The following PLCXD3 variants were observed in gnomAD, a reference collection of about 807,000 sequenced individuals.
PLCXD3 encodes the protein phosphatidylinositol specific phospholipase C X domain containing 3.
Under a neutral mutation model 25.5 loss-of-function variants are expected in PLCXD3, and 19 were observed. That is an observed-to-expected ratio of 0.75 (90% CI 0.52 to 1.09). The LOEUF (loss-of-function observed/expected upper bound fraction) is 1.09. PLCXD3 is among the 50% of genes least tolerant of loss of function. PLCXD3 has a pLI of 0.00. For synonymous variants in PLCXD3, 174 were observed against 137.6 expected (o/e 1.26, Z -1.85); for missense variants, 411 against 388.1 (o/e 1.06, Z -0.50).
chr5:41,397,186 C>T (rs1434674510), intron 1 of PLCXD3, among the ~76,000 whole-genome samples: 2 of 152,110 alleles, frequency 1.3e-5, no homozygotes, highest in Non-Finnish European at 2.9e-5. Flanking sequence ...TGTGGCAGCC[C>T]CTCCTATCAC....
At position 41,313,011 on chromosome 5, in the gene PLCXD3, T is replaced by C. The variant is rs1458729078; in HGVS notation, c.*606A>G. On this transcript the variant is annotated 3_prime_UTR_variant, in exon 3 of 3. Transcript: ENST00000377801. ...ACTGTGAAACACTATTATTTTCATA[T>C]AACAAAAATCACTGATTATGACCTT... 2 of 152,620 alleles carry C rather than the reference T, an allele frequency of 1.3e-5. No individual in the cohort carries two copies. The highest frequency in any genetic ancestry group is 1.9e-4 in the East Asian group (1 of 5,194). The allele number at this position is 152,620 out of a possible 1,614,324, so 9.5% of individuals were successfully genotyped here. A position where few individuals can be genotyped will look rare whatever the true frequency, so the allele number is the denominator to read the frequency against.
chr5:41,313,864 T>A, intron 2 of PLCXD3, 94 bp from the exon 3 acceptor site: 1 of 1,380,862 alleles, frequency 7.2e-7, no homozygotes, highest in Non-Finnish European at 9.7e-7. Context: ...TCTAGCTTAT[T>A]AAAATAAATG....
At position 41,456,382 on chromosome 5, in the gene PLCXD3, A is replaced by G. The variant is rs114050960; in HGVS notation, c.103+54042T>C. Among the ~76,000 whole-genome samples, 815 of 152,078 alleles carry G rather than the reference A, an allele frequency of 5.4e-3. 4 individuals are homozygous for G. The highest frequency in any genetic ancestry group is 0.018 in the African/African-American group (735 of 41,522). ...CTTCTTTAAAACCTATTGTTACAAA[A>G]CATTCTGTGTTCTGCTAAGTATAAA... On this transcript the variant is annotated intron_variant, in intron 1 of 2. Coordinates refer to ENST00000377801, the MANE Select transcript of PLCXD3 (RefSeq NM_001005473.3).
At chr5:41,391,921 C>T (rs1346113587) in intron 1 of PLCXD3, among the ~76,000 whole-genome samples, 1 of 152,116 alleles carries the variant, frequency 6.6e-6, no homozygotes, top group Non-Finnish European at 1.5e-5. Flanking sequence ...GGCAGTACTC[C>T]TCGTGGCCTG....
At chr5:41,475,362 T>A (rs545821359) in intron 1 of PLCXD3, among the ~76,000 whole-genome samples, 18 of 152,274 alleles carry the variant, frequency 1.2e-4, no homozygotes, top group African/African-American at 4.3e-4. Context: ...ACCCTATCTG[T>A]CCCTGTCTGT....
intron 1 of PLCXD3, among the ~76,000 whole-genome samples, chr5:41,459,564 C>T (rs1561279634): frequency 6.6e-6 from 1 of 151,732 alleles, no homozygotes; most frequent in East Asian, 1.9e-4. Flanking sequence ...GATATCAATA[C>T]CAAATTAATA....
intron 2 of PLCXD3, among the ~76,000 whole-genome samples, chr5:41,368,551 G>A (rs1745003336): frequency 6.6e-6 from 1 of 152,060 alleles, no homozygotes. Flanking sequence ...TGGTTGCTCT[G>A]GCCAGAACTT....
intron 1 of PLCXD3, among the ~76,000 whole-genome samples, chr5:41,495,948 A>T (rs1748827286): frequency 6.6e-6 from 1 of 150,376 alleles, no homozygotes; most frequent in Non-Finnish European, 1.5e-5. Flanking sequence ...ACAAATAATT[A>T]AAAATAACCA....
At chr5:41,395,665 C>T (rs988195618) in intron 1 of PLCXD3, among the ~76,000 whole-genome samples, 1 of 152,036 alleles carries the variant, frequency 6.6e-6, no homozygotes, top group African/African-American at 2.4e-5. Flanking sequence ...TCATTAGCAG[C>T]TACTATGAGC....
At chr5:41,481,306 A>G (rs1179016710) in intron 1 of PLCXD3, among the ~76,000 whole-genome samples, 1 of 152,216 alleles carries the variant, frequency 6.6e-6, no homozygotes, top group Non-Finnish European at 1.5e-5. Flanking sequence ...ACTTTCAGAC[A>G]GCAGCCTTTA....
chr5:41,489,429 A>G (rs910338926), intron 1 of PLCXD3, among the ~76,000 whole-genome samples: 73 of 152,156 alleles, frequency 4.8e-4, no homozygotes, highest in Non-Finnish European at 7.8e-4. Context: ...TTTTGGTTCC[A>G]TATGAACTTT....
rs867590280 is a variant in PLCXD3 at position 41,334,560 on chromosome 5, A to G, written c.813-20790T>C. 2.0e-5 allele frequency among the ~76,000 whole-genome samples: 3 copies of G among 152,064 alleles called. No homozygotes were observed. In the South Asian group the frequency reaches 6.2e-4, roughly 32 times the overall value. On this transcript the variant is annotated intron_variant, in intron 2 of 2. Transcript: ENST00000377801. The stretch of plus-strand genomic sequence containing the variant: ...CTCAGAAGTACATGGGACATATCTC[A>G]TCTTATTTACATGCCAAGAAGGTTG...
At chr5:41,332,497 G>A (rs988994656) in intron 2 of PLCXD3, among the ~76,000 whole-genome samples, 1 of 152,140 alleles carries the variant, frequency 6.6e-6, no homozygotes, top group Non-Finnish European at 1.5e-5. Flanking sequence ...CTGTTGGTGG[G>A]ACTGTAAACT....
chr5:41,400,357 A>G (rs1746143820), intron 1 of PLCXD3, among the ~76,000 whole-genome samples: 2 of 152,098 alleles, frequency 1.3e-5, no homozygotes, highest in Non-Finnish European at 2.9e-5. Context: ...AAAAAAAGAA[A>G]ATCAGTATAC....
chr5:41,314,471 G>C (rs1743230315), intron 2 of PLCXD3, among the ~76,000 whole-genome samples: 1 of 152,214 alleles, frequency 6.6e-6, no homozygotes, highest in Non-Finnish European at 1.5e-5. Context: ...TGATAGAAGG[G>C]AATAAGTGCT....
intron 1 of PLCXD3, among the ~76,000 whole-genome samples, chr5:41,471,189 G>A (rs959583011): frequency 2.0e-5 from 3 of 152,110 alleles, no homozygotes; most frequent in South Asian, 2.1e-4. Context: ...CACAAACAAA[G>A]CACCTTCATA....
At chr5:41,505,168 C>T (rs1177080473) in intron 1 of PLCXD3, among the ~76,000 whole-genome samples, 2 of 151,998 alleles carry the variant, frequency 1.3e-5, no homozygotes, top group South Asian at 2.1e-4. Flanking sequence ...TGGGCCTTAA[C>T]GTATGAACAT....
At chr5:41,403,401 G>GTTTTGTTTTTT (rs1746251131) in intron 1 of PLCXD3, among the ~76,000 whole-genome samples, 2 of 18,412 alleles carry the variant, frequency 1.1e-4, no homozygotes, top group Non-Finnish European at 1.4e-4. Flanking sequence ...CTTATTTGTT[G>GTTTTGTTTTTT]TTTTTTTTTT....
At chr5:41,499,732 T>C (rs1748915379) in intron 1 of PLCXD3, among the ~76,000 whole-genome samples, 1 of 151,840 alleles carries the variant, frequency 6.6e-6, no homozygotes, top group Non-Finnish European at 1.5e-5. Flanking sequence ...CCTTCTGATA[T>C]GAAAACATAC....
Sources: gnomAD v4.1 joint callset for allele counts (sites outside exome capture counted in the v4.1 genomes callset) on GRCh38, gnomAD v4.1.1 for gene constraint, MANE v1.5 for transcripts, NCBI Gene and HGNC (gene_info 2026-07-23, HGNC 2026-07-21) for gene names.